The following PPP2R1A variants were observed in gnomAD, a reference collection of about 807,000 sequenced individuals.
The protein encoded by PPP2R1A is serine/threonine-protein phosphatase 2A 65 kDa regulatory subunit A alpha isoform.
In PPP2R1A, 15 loss-of-function variants were observed where a neutral mutation model predicts 67.1. The observed-to-expected ratio is 0.22, with a 90% CI of 0.15 to 0.34. The LOEUF is 0.34. Among genes scored for constraint, PPP2R1A ranks in the 10% least tolerant of loss-of-function variants. PPP2R1A has a pLI of 1.00. For synonymous variants in PPP2R1A, 337 were observed against 325.0 expected, an observed-to-expected ratio of 1.04 and a Z score of -0.40; for missense variants, 369 against 775.0, an observed-to-expected ratio of 0.48 and a Z score of 6.22.
At chr19:52,220,759 A>G (rs1447329294) in intron 11 of PPP2R1A, among the ~76,000 whole-genome samples, 1 of 152,330 alleles carries the variant, frequency 6.6e-6, no homozygotes, top group East Asian at 1.9e-4. Context: ...AAATGAAGCC[A>G]GTAGTGGAAC....
At chr19:52,203,107 T>G (rs574982056) in intron 2 of PPP2R1A, among the ~76,000 whole-genome samples, 2 of 152,362 alleles carry the variant, frequency 1.3e-5, no homozygotes, top group East Asian at 3.9e-4. Flanking sequence ...GGGAACATCT[T>G]ACTTGGACCT....
chr19:52,218,826 GTTTCAC>G, intron 9 of PPP2R1A, among the ~76,000 whole-genome samples: 1 of 152,176 alleles, frequency 6.6e-6, no homozygotes, highest in Non-Finnish European at 1.5e-5. Context: ...TTTTGCTCCA[GTTTCAC>G]CTTCAGCAAG....
chr19:52,190,066 C>A lies in PPP2R1A; in HGVS notation c.-31C>A. 1 of 1,540,742 alleles carries A rather than the reference C, an allele frequency of 6.5e-7. No homozygotes were observed. On this transcript the variant is annotated 5_prime_UTR_variant, in exon 1 of 15. Transcript: ENST00000322088. ...CCCCACGTTTCAGCACAGCGCTGGC[C>A]GCAGTCTGACAGGAAAGGGACGGAG...
intron 9 of PPP2R1A, among the ~76,000 whole-genome samples, chr19:52,218,757 C>A (rs1405448920): frequency 6.6e-6 from 1 of 152,188 alleles, no homozygotes; most frequent in Non-Finnish European, 1.5e-5. Flanking sequence ...AGGATCCAGG[C>A]TCAGCCCAGT....
At chr19:52,223,618 G>A (rs1471445446) in intron 13 of PPP2R1A, among the ~76,000 whole-genome samples, 1 of 152,170 alleles carries the variant, frequency 6.6e-6, no homozygotes, top group South Asian at 2.1e-4. Context: ...AGGGTGTTCA[G>A]CATCATTAGC....
chr19:52,201,328 CA>C (rs773540937), intron 1 of PPP2R1A: 1 of 152,108 alleles, frequency 6.6e-6, no homozygotes, highest in Non-Finnish European at 1.5e-5. Flanking sequence ...CTCTTTGAGA[CA>C]AAGAGTCTCA....
Position 52,222,386 on chromosome 19 carries a change from G to C in PPP2R1A, c.1661+145G>C, listed in dbSNP as rs1178253643. Reference sequence around the variant, plus strand: ...ACCTTGGCTCCCTTCCCTTCTCAAGGTGTGTTTTCTCAACTGTAAAATGAA... The same window carrying C: ...ACCTTGGCTCCCTTCCCTTCTCAAGCTGTGTTTTCTCAACTGTAAAATGAA... On this transcript the variant is annotated intron_variant, in intron 13 of 14. Transcript: ENST00000322088. 7 of 1,250,610 alleles carry C rather than the reference G, an allele frequency of 5.6e-6. No individual in the cohort carries two copies. In the East Asian group the frequency reaches 1.9e-4, roughly 34 times the overall value. 77.5% of individuals were successfully genotyped at this position (1,250,610 alleles called of 1,614,324 possible).
intron 11 of PPP2R1A, among the ~76,000 whole-genome samples, 175 bp downstream of exon 11, chr19:52,220,424 G>A (rs1275626630): frequency 1.3e-5 from 2 of 152,116 alleles, no homozygotes; most frequent in Admixed American, 1.3e-4. Flanking sequence ...TGAGTGGGAG[G>A]AGGACGAAAC....
chr19:52,207,195 A>G (rs1033210826), intron 3 of PPP2R1A, among the ~76,000 whole-genome samples: 1 of 152,212 alleles, frequency 6.6e-6, no homozygotes, highest in Admixed American at 6.5e-5. Flanking sequence ...AACAGGGCTT[A>G]ACATGAGCAT....
chr19:52,223,087 T>A (rs1480172771), intron 13 of PPP2R1A, among the ~76,000 whole-genome samples: 3 of 152,178 alleles, frequency 2.0e-5, no homozygotes, highest in Non-Finnish European at 2.9e-5. Context: ...CATATTTAAA[T>A]CGCCCAATAG....
At chr19:52,199,432 G>A (rs1043905995) in intron 1 of PPP2R1A, among the ~76,000 whole-genome samples, 5 of 151,684 alleles carry the variant, frequency 3.3e-5, no homozygotes, top group Admixed American at 2.0e-4. Context: ...GCCTCCCAAG[G>A]TGCTGGGATT....
At chr19:52,222,651 G>C (rs115178331) in intron 13 of PPP2R1A, among the ~76,000 whole-genome samples, 1 of 152,196 alleles carries the variant, frequency 6.6e-6, no homozygotes, top group African/African-American at 2.4e-5. Flanking sequence ...CAAGGTGGGC[G>C]GATCAGTTGA....
Position 52,212,568 on chromosome 19 carries a change from G to C in PPP2R1A, c.504-118G>C. 8.1e-7 allele frequency: 1 copy of C among 1,228,786 alleles called. No individual in the cohort carries two copies. Among genetic ancestry groups the C allele is most frequent in the Non-Finnish European group, 1.1e-6 (1 of 887,302 alleles). 76.1% of individuals were successfully genotyped at this position (1,228,786 alleles called of 1,614,324 possible). ...ATAGGGCTGGGAAGACAGAGAGGGG[G>C]TCATCACTTGCCCAAGGTCATTCAG... On this transcript the variant is annotated intron_variant, in intron 4 of 14. Transcript: ENST00000322088. This position sits in a 1 kb window ranked among gnomAD's most constrained non-coding sequence, Gnocchi z 4.1.
chr19:52,220,563 CCA>C (rs1160154843), intron 11 of PPP2R1A, among the ~76,000 whole-genome samples: 1 of 152,094 alleles, frequency 6.6e-6, no homozygotes, highest in East Asian at 1.9e-4. Flanking sequence ...TGAATGAGCC[CCA>C]CACTCATTCT....
At position 52,219,449 on chromosome 19, in the gene PPP2R1A, T is replaced by C. The variant is rs1404413776; in HGVS notation, c.1129-242T>C. ...TCCTACTGTGATTCTTAAAGTCTTT[T>C]CAAAATGGATAAACATTTCTTGTGA... is the stretch of plus-strand genomic sequence containing the variant. On this transcript the variant is annotated intron_variant, in intron 9 of 14. Coordinates refer to ENST00000322088, the MANE Select transcript of PPP2R1A (RefSeq NM_014225.6). This position sits in a 1 kb window ranked among gnomAD's most constrained non-coding sequence, Gnocchi z 4.0. Among the ~76,000 whole-genome samples, 1 of 152,234 alleles carries C rather than the reference T, an allele frequency of 6.6e-6. No individual in the cohort carries two copies. Among genetic ancestry groups the C allele is most frequent in the Admixed American group, 6.5e-5 (1 of 15,288 alleles).
chr19:52,203,514 G>A (rs963377497), intron 2 of PPP2R1A, among the ~76,000 whole-genome samples: 5 of 152,198 alleles, frequency 3.3e-5, no homozygotes, highest in Non-Finnish European at 5.9e-5. Flanking sequence ...TCCCTTGTCT[G>A]TAAAGGAGTC....
Position 52,219,487 on chromosome 19 carries a change from GT to G in PPP2R1A, c.1129-201del, listed in dbSNP as rs1978786066. Among the ~76,000 whole-genome samples, 1 of 152,172 alleles carries G rather than the reference GT, an allele frequency of 6.6e-6. No homozygotes were observed. The highest frequency in any genetic ancestry group is 6.5e-5 in the Admixed American group (1 of 15,278). ...ACATTTCTTGTGATACTATTGTAAG[GT>G]TTAAAAATCTGCTTAAGTTAGTGAT... On this transcript the variant is annotated intron_variant, in intron 9 of 14. Transcript: ENST00000322088. The surrounding 1 kb of genome is among the most constrained non-coding windows in gnomAD (Gnocchi z 4.0).
chr19:52,213,241 A>T lies in PPP2R1A; in HGVS notation c.807+131A>T, dbSNP rs1338603779. The T allele has an allele frequency of 1.0e-5, 12 of 1,170,678 alleles. No individual in the cohort carries two copies. Among genetic ancestry groups the T allele is most frequent in the Non-Finnish European group, 1.4e-5 (12 of 877,150 alleles). 72.5% of individuals were successfully genotyped at this position (1,170,678 alleles called of 1,614,324 possible). A position where few individuals can be genotyped will look rare whatever the true frequency, so the allele number is the denominator to read the frequency against. ...GCGTTTGAGCAATAAGATCTCTATG[A>T]TCATCTAACTGCGTCTCGCTTCGTG... On this transcript the variant is annotated intron_variant, in intron 6 of 14. Coordinates refer to ENST00000322088, the MANE Select transcript of PPP2R1A (RefSeq NM_014225.6). This position sits in a 1 kb window ranked among gnomAD's most constrained non-coding sequence, Gnocchi z 4.2.
intron 2 of PPP2R1A, among the ~76,000 whole-genome samples, chr19:52,204,544 G>A (rs1012249171): frequency 2.0e-5 from 3 of 152,204 alleles, no homozygotes; most frequent in East Asian, 1.9e-4. Flanking sequence ...CAAGGTGCTG[G>A]CAGTTCCCAG....
Sources: gnomAD v4.1 joint callset for allele counts (sites outside exome capture counted in the v4.1 genomes callset) on GRCh38, gnomAD v4.1.1 for gene constraint, Gnocchi (gnomAD v3.1) non-coding constraint, MANE v1.5 for transcripts, NCBI Gene and HGNC (gene_info 2026-07-23, HGNC 2026-07-21) for gene names.